Variants in NEMF observed in about 807,000 individuals in gnomAD.
NEMF encodes the protein ribosome quality control complex subunit NEMF.
In NEMF, 89 loss-of-function variants were observed where a neutral mutation model predicts 162.2. The ratio of observed to expected loss-of-function variants is 0.55; its 90% CI spans 0.46 to 0.65. NEMF has a LOEUF of 0.65. Among genes scored for constraint, NEMF ranks in the 30% least tolerant of loss-of-function variants. The probability of loss-of-function intolerance (pLI) is 0.00; values close to 1 mark genes in which losing one functional copy is unlikely to be tolerated. For synonymous variants in NEMF, 421 were observed against 404.5 expected (o/e 1.04, Z -0.49); for missense variants, 1,133 against 1,261.9 (o/e 0.90, Z 1.55).
chr14:49,800,923 G>T, intron 22 of NEMF: 1 of 469,396 alleles, frequency 2.1e-6, no homozygotes, highest in Non-Finnish European at 3.8e-6. Flanking sequence ...TAAATTTCTT[G>T]GACATTGCTA....
intron 26 of NEMF, among the ~76,000 whole-genome samples, chr14:49,795,456 A>C (rs1349493779): frequency 6.6e-6 from 1 of 152,194 alleles, no homozygotes; most frequent in African/African-American, 2.4e-5. Flanking sequence ...AATATCTAAG[A>C]ACTCTAACCA....
chr14:49,844,545 G>C (rs188714775), intron 4 of NEMF, among the ~76,000 whole-genome samples: 96 of 152,236 alleles, frequency 6.3e-4, no homozygotes, highest in African/African-American at 2.1e-3. Flanking sequence ...CTCTGGGTGA[G>C]TGACAGTGAG....
At chr14:49,820,486 CG>C (rs1358354601) in intron 16 of NEMF, 1 of 456,116 alleles carries the variant, frequency 2.2e-6, no homozygotes, top group Non-Finnish European at 4.4e-6. Flanking sequence ...AGCTAATAAT[CG>C]GCTGGGCGCG....
intron 4 of NEMF, chr14:49,844,953 G>C: frequency 1.0e-5 from 2 of 194,358 alleles, no homozygotes; most frequent in Non-Finnish European, 2.3e-5. Flanking sequence ...ATTTTTAGTA[G>C]AGATGCAGTT....
chr14:49,786,403 T>A (rs777334231), intron 29 of NEMF: 1 of 292,964 alleles, frequency 3.4e-6, no homozygotes, highest in Non-Finnish European at 6.4e-6. Flanking sequence ...TGCTGAAGTA[T>A]AATTAATATT....
chr14:49,799,502 C>A lies in NEMF; in HGVS notation c.2438G>T (p.Arg813Leu), dbSNP rs780721239. 6.2e-7 allele frequency: 1 copy of A among 1,611,584 alleles called. No homozygotes were observed. The highest frequency in any genetic ancestry group is 8.5e-7 in the Non-Finnish European group (1 of 1,179,366). Residue 813 changes from arginine to leucine, a missense_variant, in exon 25 of 33, where the codon CGG becomes CTG. By Grantham distance (102) the Arg-to-Leu change is moderately radical. Transcript: ENST00000298310. Reference sequence around the variant, plus strand: ...TCTTTCCTTGGCTGACAAATGTCTCCGGCTCTGTGATTTACTGTCACTCTA... The same window carrying A: ...TCTTTCCTTGGCTGACAAATGTCTCAGGCTCTGTGATTTACTGTCACTCTA... Reference protein sequence around the residue: ...SNSSDSKSQSRRHLSAKERRE... With the variant: ...SNSSDSKSQSLRHLSAKERRE...
chr14:49,793,101 C>T (rs1165923654), intron 26 of NEMF, among the ~76,000 whole-genome samples: 1 of 152,004 alleles, frequency 6.6e-6, no homozygotes, highest in Non-Finnish European at 1.5e-5. Flanking sequence ...AAACATCCCG[C>T]AATGATAAAA....
intron 1 of NEMF, 25 bp from the exon 2 acceptor site, chr14:49,851,900 A>T: frequency 7.4e-7 from 1 of 1,355,234 alleles, no homozygotes; most frequent in Non-Finnish European, 1.0e-6. Context: ...GAAACATGTA[A>T]CATGTTACAC....
At chr14:49,802,021 G>C (rs1436633929) in intron 22 of NEMF, among the ~76,000 whole-genome samples, 1 of 150,936 alleles carries the variant, frequency 6.6e-6, no homozygotes, top group African/African-American at 2.4e-5. Context: ...GCAGTGGCGT[G>C]ATCTAGGCTC....
At chr14:49,848,554 G>A (rs1450818942) in intron 3 of NEMF, among the ~76,000 whole-genome samples, 4 of 151,986 alleles carry the variant, frequency 2.6e-5, no homozygotes, top group South Asian at 4.2e-4. Context: ...ACTCAAATAC[G>A]GTCTGGGTAT....
In NEMF at chr14:49,829,106, T is replaced by G. The variant is rs747320286; in HGVS notation, c.1180A>C (p.Ser394Arg). The stretch of plus-strand genomic sequence containing the variant: ...TGTAGTTTTAATTCTTTGATTGCAC[T>G]TGCAACAGGGTCTCCTTGAGCCTGG... ...EAQAQGDPVA[S>R]AIKELKLQTN... The change falls in exon 13 of 33, where the codon AGT becomes CGT. Residue 394 changes from serine to arginine, a missense_variant. By Grantham distance (110) the Ser-to-Arg change is moderately radical. Transcript: ENST00000298310. The G allele has an allele frequency of 7.4e-6, 12 of 1,614,076 alleles. No individual in the cohort carries two copies. The highest frequency in any genetic ancestry group is 1.0e-5 in the Non-Finnish European group (12 of 1,180,042).
At chr14:49,813,662 G>GGTGTGTGTGTGT (rs57660068) in intron 18 of NEMF, among the ~76,000 whole-genome samples, 60 of 148,666 alleles carry the variant, frequency 4.0e-4, no homozygotes, top group African/African-American at 1.5e-3. Context: ...TTTTTTATTA[G>GGTGTGTGTGTGT]GTGTGTGTGT....
rs1566648051 is a variant in NEMF at position 49,789,225 on chromosome 14, A to T, written c.2816T>A (p.Ile939Asn). The change falls in exon 28 of 33, where the codon ATT becomes AAT. Residue 939 changes from isoleucine (I) to asparagine (N), a missense_variant. Transcript: ENST00000298310. Reference sequence around the variant, plus strand: ...CTCAAGGAACGGAGTTTCTTTCTTAATGTTGTCAGAGACCCTCTGTCCACC... The same window carrying T: ...CTCAAGGAACGGAGTTTCTTTCTTATTGTTGTCAGAGACCCTCTGTCCACC... ...PRGGQRVSDN[I>N]KKETPFLEVI... 1 of 1,614,016 alleles carries T rather than the reference A, an allele frequency of 6.2e-7. No individual in the cohort carries two copies. The highest frequency in any genetic ancestry group is 8.5e-7 in the Non-Finnish European group (1 of 1,179,942).
intron 16 of NEMF, chr14:49,820,397 C>A: frequency 2.2e-6 from 1 of 456,586 alleles, no homozygotes; most frequent in Non-Finnish European, 4.4e-6. Context: ...AGCACTTACG[C>A]GTTGTCCTCT....
chr14:49,795,866 AC>A lies in NEMF; in HGVS notation c.2543del (p.Ser848IlefsTer21). 1 of 1,613,384 alleles carries A rather than the reference AC, an allele frequency of 6.2e-7. No homozygotes were observed. The highest frequency in any genetic ancestry group is 8.5e-7 in the Non-Finnish European group (1 of 1,179,558). ...TCTGATGAGTTTCAATGTGTACAGT[AC>A]TTTCTTTTTCTTTATCCTTTCCCTC... ...ALEGKDKEKE[S>X]TVHIETHQNT... On this transcript the variant is annotated frameshift_variant, in exon 26 of 33. Coordinates refer to ENST00000298310, the MANE Select transcript of NEMF (RefSeq NM_004713.6). LOFTEE classifies it high-confidence loss of function.
At chr14:49,816,105 A>G (rs140093346) in intron 16 of NEMF, among the ~76,000 whole-genome samples, 157 of 152,334 alleles carry the variant, frequency 1.0e-3, no homozygotes, top group African/African-American at 3.7e-3. Context: ...TTATACATAG[A>G]AAAGCTAAAA....
At chr14:49,814,880 G>A (rs1255775473) in intron 16 of NEMF, 23 bp from the exon 17 acceptor site, 2 of 1,406,994 alleles carry the variant, frequency 1.4e-6, no homozygotes, top group East Asian at 2.4e-5. Flanking sequence ...AAGAAAAAAA[G>A]TTAACTTTTC....
intron 15 of NEMF, among the ~76,000 whole-genome samples, chr14:49,826,211 T>C (rs932264889): frequency 7.2e-5 from 11 of 152,094 alleles, no homozygotes; most frequent in African/African-American, 2.7e-4. Context: ...TACAAAGTAA[T>C]AAATACCTTG....
chr14:49,803,776 G>A (rs1386746299), intron 19 of NEMF, among the ~76,000 whole-genome samples: 3 of 151,852 alleles, frequency 2.0e-5, no homozygotes, highest in South Asian at 2.1e-4. Flanking sequence ...CGCCTGCCTC[G>A]GCCTCCCAAA....
Sources: allele counts gnomAD v4.1 joint callset (sites outside exome capture counted in the v4.1 genomes callset), GRCh38; gene constraint gnomAD v4.1.1; transcripts MANE v1.5; gene names NCBI Gene and HGNC (gene_info 2026-07-23, HGNC 2026-07-21).